PRELID2: variants seen among roughly 807,000 people sequenced by gnomAD.
The protein encoded by PRELID2 is PRELI domain-containing protein 2.
PRELID2 carries 25 observed loss-of-function variants against 28.4 expected under a neutral mutation model. The ratio of observed to expected loss-of-function variants is 0.88; its 90% CI spans 0.64 to 1.23. The LOEUF (loss-of-function observed/expected upper bound fraction) is 1.23, where lower values mean the gene tolerates loss of function less well. Among genes scored for constraint, PRELID2 ranks in the 50% most tolerant of loss-of-function variants. The pLI, the probability that PRELID2 is intolerant of heterozygous loss-of-function variation, is 0.00. For missense variants in PRELID2, 201 were observed against 214.4 expected (o/e 0.94, Z 0.39); for synonymous variants, 76 against 71.6 (o/e 1.06, Z -0.31).
At chr5:145,504,535 C>G (rs1752389991) in intron 1 of PRELID2, among the ~76,000 whole-genome samples, 1 of 152,090 alleles carries the variant, frequency 6.6e-6, no homozygotes, top group African/African-American at 2.4e-5. Flanking sequence ...GACAGATGAC[C>G]ACAGGCAGAA....
At chr5:145,323,907 T>C in the PRELID2 span, among the ~76,000 whole-genome samples, 3 of 152,238 alleles carry the variant, frequency 2.0e-5, no homozygotes, top group Non-Finnish European at 4.4e-5. Flanking sequence ...CTATTGTGAA[T>C]AGTGCTGTCA....
intron 1 of PRELID2, among the ~76,000 whole-genome samples, chr5:145,683,746 T>C (rs1206737267): frequency 1.3e-5 from 2 of 152,072 alleles, no homozygotes; most frequent in South Asian, 2.1e-4. Context: ...AACACATGAA[T>C]TGTAGGAGAG....
At chr5:145,374,789 A>G in the PRELID2 span, among the ~76,000 whole-genome samples, 2 of 152,020 alleles carry the variant, frequency 1.3e-5, no homozygotes, top group Non-Finnish European at 2.9e-5. Context: ...TGATACTTGT[A>G]TATGTTTCAT....
chr5:145,501,336 CA>C, intron 1 of PRELID2, among the ~76,000 whole-genome samples: 1 of 152,276 alleles, frequency 6.6e-6, no homozygotes, highest in South Asian at 2.1e-4. Context: ...GCCCAGAACA[CA>C]ACACCTCTAC....
At chr5:145,368,410 C>T in the PRELID2 span, among the ~76,000 whole-genome samples, 14 of 151,970 alleles carry the variant, frequency 9.2e-5, no homozygotes, top group Admixed American at 2.6e-4. Flanking sequence ...TTCGAGACAC[C>T]TCAAAGTCAC....
At chr5:145,273,082 C>T in the PRELID2 span, among the ~76,000 whole-genome samples, 2 of 152,094 alleles carry the variant, frequency 1.3e-5, no homozygotes, top group Non-Finnish European at 2.9e-5. Context: ...CAATATCCTA[C>T]ATTATCCTAA....
chr5:145,806,213 G>T, intron 4 of PRELID2, among the ~76,000 whole-genome samples: 1 of 151,506 alleles, frequency 6.6e-6, no homozygotes, highest in Admixed American at 6.6e-5. Flanking sequence ...TCACTCTTTT[G>T]CAATCACACT....
chr5:145,693,365 C>T (rs1755189150), intron 1 of PRELID2, among the ~76,000 whole-genome samples: 1 of 151,964 alleles, frequency 6.6e-6, no homozygotes, highest in South Asian at 2.1e-4. Context: ...CCAGGCTGGT[C>T]TCAAACTCCT....
the PRELID2 span, among the ~76,000 whole-genome samples, chr5:145,428,699 CAG>C: frequency 6.6e-6 from 1 of 152,036 alleles, no homozygotes; most frequent in African/African-American, 2.4e-5. Flanking sequence ...TAATGAAAAA[CAG>C]AGTGAGATGC....
At chr5:145,302,957 AAC>A in the PRELID2 span, among the ~76,000 whole-genome samples, 1 of 152,178 alleles carries the variant, frequency 6.6e-6, no homozygotes, top group South Asian at 2.1e-4. Context: ...TGGGGAGCAT[AAC>A]ACATATCTCC....
intron 1 of PRELID2, among the ~76,000 whole-genome samples, chr5:145,724,486 A>C (rs1756074851): frequency 6.6e-6 from 1 of 150,578 alleles, no homozygotes. Flanking sequence ...AACATAGATA[A>C]TGGATTAGAT....
At chr5:145,306,373 A>T in the PRELID2 span, among the ~76,000 whole-genome samples, 12 of 152,280 alleles carry the variant, frequency 7.9e-5, no homozygotes, top group African/African-American at 2.4e-4. Context: ...TATATTTTTT[A>T]AAAATGAAAT....
chr5:145,469,098 A>G (rs1752029266), downstream of PRELID2, among the ~76,000 whole-genome samples: 1 of 152,126 alleles, frequency 6.6e-6, no homozygotes, highest in African/African-American at 2.4e-5. Context: ...TGTGGCAGCA[A>G]TTGGCTGGGA....
At chr5:145,261,089 G>T in the PRELID2 span, among the ~76,000 whole-genome samples, 1 of 152,112 alleles carries the variant, frequency 6.6e-6, no homozygotes, top group Non-Finnish European at 1.5e-5. Flanking sequence ...AGCAGAGGCA[G>T]CTATAATCCA....
At chr5:145,805,536 C>T (rs901213876) in intron 4 of PRELID2, among the ~76,000 whole-genome samples, 2 of 152,058 alleles carry the variant, frequency 1.3e-5, no homozygotes, top group Admixed American at 1.3e-4. Context: ...ACTAGAATTA[C>T]CAAGGTGAAT....
chr5:145,395,880 C>G, the PRELID2 span, among the ~76,000 whole-genome samples: 1 of 152,114 alleles, frequency 6.6e-6, no homozygotes, highest in Non-Finnish European at 1.5e-5. Flanking sequence ...CAGATAGTCA[C>G]TAAGTTACCT....
the PRELID2 span, among the ~76,000 whole-genome samples, chr5:145,315,785 A>C: frequency 1.3e-5 from 2 of 152,178 alleles, no homozygotes; most frequent in African/African-American, 4.8e-5. Flanking sequence ...AAGGCAATGA[A>C]AATGGTAATA....
At chr5:145,326,220 G>A in the PRELID2 span, among the ~76,000 whole-genome samples, 2 of 151,990 alleles carry the variant, frequency 1.3e-5, no homozygotes, top group Admixed American at 6.6e-5. Flanking sequence ...TGCCCAGGCT[G>A]GTCTCCAACT....
At chr5:145,381,481 G>A in the PRELID2 span, 1 of 152,076 alleles carries the variant, frequency 6.6e-6, no homozygotes, top group East Asian at 1.9e-4. Context: ...TTAATTCTCA[G>A]CTGATGTCTG....
Sources: allele counts gnomAD v4.1 joint callset (sites outside exome capture counted in the v4.1 genomes callset), GRCh38; gene constraint gnomAD v4.1.1; transcripts MANE v1.5; gene names NCBI Gene and HGNC (gene_info 2026-07-23, HGNC 2026-07-21).